The following DNAH6 variants were observed in gnomAD, a reference collection of about 807,000 sequenced individuals.
The protein encoded by DNAH6 is dynein axonemal heavy chain 6.
DNAH6 carries 340 observed loss-of-function variants against 491.4 expected under a neutral mutation model. The observed-to-expected ratio is 0.69, with a 90% CI of 0.63 to 0.76. DNAH6 has a LOEUF of 0.76. Among genes scored for constraint, DNAH6 ranks in the 30% least tolerant of loss-of-function variants. DNAH6 has a pLI of 0.00. For missense variants in DNAH6, 4,443 were observed against 4,972.2 expected (o/e 0.89, Z 3.20); for synonymous variants, 1,603 against 1,686.1 (o/e 0.95, Z 1.21).
intron 63 of DNAH6, among the ~76,000 whole-genome samples, chr2:84,752,726 T>C (rs1476144439): frequency 6.6e-6 from 1 of 152,022 alleles, no homozygotes; most frequent in Non-Finnish European, 1.5e-5. Context: ...TCGTCTCTGT[T>C]GTATCAAGTG....
At chr2:84,578,960 C>T (rs1274484364) in intron 13 of DNAH6, among the ~76,000 whole-genome samples, 1 of 152,180 alleles carries the variant, frequency 6.6e-6, no homozygotes, top group Non-Finnish European at 1.5e-5. Context: ...TGCCTTGCTT[C>T]CCCCTTCACC....
At chr2:84,787,942 G>T (rs1677364669) in intron 68 of DNAH6, among the ~76,000 whole-genome samples, 1 of 152,164 alleles carries the variant, frequency 6.6e-6, no homozygotes, top group African/African-American at 2.4e-5. Context: ...GGAAGTGGGG[G>T]AAGGAGGAGC....
At chr2:84,796,496 AC>A in intron 69 of DNAH6, 71 bp downstream of exon 69, 6 of 1,313,944 alleles carry the variant, frequency 4.6e-6, no homozygotes, top group Non-Finnish European at 6.1e-6. Flanking sequence ...TCAGTTTCCC[AC>A]CCAGGGGCTG....
intron 37 of DNAH6, among the ~76,000 whole-genome samples, chr2:84,666,079 C>G (rs1407457934): frequency 6.6e-6 from 1 of 152,060 alleles, no homozygotes; most frequent in African/African-American, 2.4e-5. Context: ...TCTCAATAAA[C>G]TAGATATTGA....
At chr2:84,571,619 A>G (rs755731469) in intron 11 of DNAH6, among the ~76,000 whole-genome samples, 52 of 152,170 alleles carry the variant, frequency 3.4e-4, no homozygotes, top group Non-Finnish European at 5.9e-4. Context: ...ATTGTCCCAC[A>G]TTAAAGAAAA....
rs543126330 is a variant in DNAH6, at chr2:84,532,607, A to AT, written c.662+3448dup. 2.1e-4 allele frequency among the ~76,000 whole-genome samples: 32 copies of AT among 152,218 alleles called. No homozygotes were observed. In the East Asian group the frequency reaches 4.8e-3, roughly 23 times the overall value. ...ACAAATGTGGTGAAGCTGTGGAAGG[A>AT]TTTTTTTATAATCTTTCAATCTAGA... On this transcript the variant is annotated intron_variant, in intron 4 of 76. Transcript: ENST00000389394.
intron 42 of DNAH6, among the ~76,000 whole-genome samples, chr2:84,684,176 G>C (rs538182590): frequency 6.6e-6 from 1 of 152,300 alleles, no homozygotes; most frequent in East Asian, 1.9e-4. Flanking sequence ...TATACTAGCA[G>C]TTTAGTCCTG....
At chr2:84,718,166 G>A (rs1004924316) in intron 58 of DNAH6, 38 bp from the exon 59 acceptor site, 5 of 1,459,758 alleles carry the variant, frequency 3.4e-6, no homozygotes, top group Non-Finnish European at 4.5e-6. Context: ...TGAGGCACTG[G>A]CAGAGACATA....
intron 16 of DNAH6, among the ~76,000 whole-genome samples, chr2:84,591,277 G>C (rs143633045): frequency 2.6e-5 from 4 of 152,248 alleles, no homozygotes; most frequent in Admixed American, 2.6e-4. Flanking sequence ...ATCAACTTAC[G>C]TGAATTAGTT....
chr2:84,598,136 T>TTTCC (rs1684818199), intron 18 of DNAH6, among the ~76,000 whole-genome samples: 1 of 53,670 alleles, frequency 1.9e-5, no homozygotes, highest in African/African-American at 4.7e-5. Context: ...CTTTTCTTTC[T>TTTCC]TTCTTTCTTT....
At chr2:84,556,663 C>G (rs1680052994) in intron 10 of DNAH6, among the ~76,000 whole-genome samples, 1 of 151,890 alleles carries the variant, frequency 6.6e-6, no homozygotes, top group Non-Finnish European at 1.5e-5. Context: ...AAAATGAAAA[C>G]CCATTAACAT....
At chr2:84,618,715 T>G (rs1573241709) in intron 23 of DNAH6, among the ~76,000 whole-genome samples, 1 of 152,110 alleles carries the variant, frequency 6.6e-6, no homozygotes, top group Non-Finnish European at 1.5e-5. Flanking sequence ...TAAATCAAAT[T>G]CCTTTTGAGT....
At chr2:84,564,281 T>C (rs140025985) in intron 11 of DNAH6, among the ~76,000 whole-genome samples, 1 of 152,326 alleles carries the variant, frequency 6.6e-6, no homozygotes, top group East Asian at 1.9e-4. Flanking sequence ...GTAAATTGCT[T>C]TGGGCATTAT....
In DNAH6 at chr2:84,548,156, A is replaced by G. The variant is rs1678968518; in HGVS notation, c.1187-132A>G. 3.3e-6 allele frequency: 3 copies of G among 905,592 alleles called. No individual in the cohort carries two copies. In the East Asian group the frequency reaches 8.1e-5, roughly 24 times the overall value. 56.1% of individuals were successfully genotyped at this position (905,592 alleles called of 1,614,324 possible). The stretch of plus-strand genomic sequence containing the variant: ...ATTTTGGATAATTGGGCTGTTTTTC[A>G]GGTTTGAATTGCTTCGTGTACCAAA... On this transcript the variant is annotated intron_variant, in intron 7 of 76. Transcript: ENST00000389394.
At chr2:84,488,170 A>C in the DNAH6 span, among the ~76,000 whole-genome samples, 2 of 152,204 alleles carry the variant, frequency 1.3e-5, no homozygotes. Flanking sequence ...CGATGGGAAT[A>C]CTAGGTAGGT....
rs1283883105 is a variant in DNAH6, at chr2:84,722,611, G to T, written c.9793-14G>T. On this transcript the variant is annotated splice_polypyrimidine_tract_variant and intron_variant, in intron 59 of 76. Transcript: ENST00000389394. ...AACAGATCCCTAAGAACTTGTTATT[G>T]TATGTTTATTCAGATCACTTCTGGT... The T allele has an allele frequency of 3.9e-6, 6 of 1,531,938 alleles. No individual in the cohort carries two copies. The highest frequency in any genetic ancestry group is 2.2e-5 in the Admixed American group (1 of 45,758). 94.9% of individuals were successfully genotyped at this position (1,531,938 alleles called of 1,614,324 possible). A position where few individuals can be genotyped will look rare whatever the true frequency, so the allele number is the denominator to read the frequency against.
the DNAH6 span, among the ~76,000 whole-genome samples, chr2:84,511,142 C>A: frequency 6.6e-6 from 1 of 152,196 alleles, no homozygotes; most frequent in Non-Finnish European, 1.5e-5. Context: ...ATTCTGCTGC[C>A]TTTTGTTTGG....
At chr2:84,476,493 C>A in the DNAH6 span, among the ~76,000 whole-genome samples, 1 of 152,078 alleles carries the variant, frequency 6.6e-6, no homozygotes, top group African/African-American at 2.4e-5. Context: ...ATACTTTTTT[C>A]AGTTTCCCTT....
chr2:84,548,247 T>TTAAA, intron 7 of DNAH6, 41 bp from the exon 8 acceptor site: 1 of 1,550,972 alleles, frequency 6.4e-7, no homozygotes, highest in Non-Finnish European at 8.7e-7. Context: ...ATGGAACTTT[T>TTAAA]ACACAAGTAC....
Sources: gnomAD v4.1 joint callset for allele counts (sites outside exome capture counted in the v4.1 genomes callset) on GRCh38, gnomAD v4.1.1 for gene constraint, MANE v1.5 for transcripts, NCBI Gene and HGNC (gene_info 2026-07-23, HGNC 2026-07-21) for gene names.